The following DBN1 variants were observed in gnomAD, a reference collection of about 807,000 sequenced individuals.
The protein encoded by DBN1 is drebrin.
Under a neutral mutation model 83.5 loss-of-function variants are expected in DBN1, and 21 were observed. The observed-to-expected ratio is 0.25, with a 90% CI of 0.18 to 0.36. DBN1 has a LOEUF of 0.36. Ranked by LOEUF, DBN1 falls within the 10% of genes least tolerant of loss-of-function variation. DBN1 has a pLI of 1.00. For missense variants in DBN1, 874 were observed against 935.7 expected, an observed-to-expected ratio of 0.93 and a Z score of 0.86; for synonymous variants, 381 against 384.9, an observed-to-expected ratio of 0.99 and a Z score of 0.12.
chr5:177,462,456 C>G (rs897891724), intron 8 of DBN1: 8 of 954,340 alleles, frequency 8.4e-6, no homozygotes, highest in Non-Finnish European at 1.0e-5. Flanking sequence ...TCCTCTGGGT[C>G]CCCACAGGGT....
chr5:177,459,581 G>A lies in DBN1; in HGVS notation c.1093+22C>T, dbSNP rs925623564. On this transcript the variant is annotated intron_variant, in intron 11 of 14. Transcript: ENST00000393565. ...CGGGGCCCTCCTTACCACCCCCGCC[G>A]AGGCCTGGGGCTGCTACCTACATGG... The A allele has an allele frequency of 8.1e-6, 12 of 1,485,320 alleles. No homozygotes were observed. In the Middle Eastern group the frequency reaches 5.7e-4, roughly 71 times the overall value. 92.0% of individuals were successfully genotyped at this position (1,485,320 alleles called of 1,614,324 possible).
intron 13 of DBN1, 92 bp from the exon 14 acceptor site, chr5:177,457,849 T>C: frequency 2.7e-6 from 3 of 1,102,918 alleles, no homozygotes; most frequent in Non-Finnish European, 4.1e-6. Context: ...CAACCAATGA[T>C]TCCATCAGTG....
intron 8 of DBN1, among the ~76,000 whole-genome samples, chr5:177,461,968 T>C (rs1757074346): frequency 1.3e-5 from 2 of 152,200 alleles, no homozygotes; most frequent in Admixed American, 6.5e-5. Flanking sequence ...CCAGTTTCTC[T>C]TGAGGTGACA....
chr5:177,466,204 G>C lies in DBN1; in HGVS notation c.771+568C>G, dbSNP rs1219200299. On this transcript the variant is annotated intron_variant, in intron 8 of 14. Coordinates refer to ENST00000393565, the MANE Select transcript of DBN1 (RefSeq NM_001363541.2). The surrounding 1 kb of genome is among the most constrained non-coding windows in gnomAD (Gnocchi z 4.8). ...AACTGAGCCATGCTCAGTCCTGAAT[G>C]ACATTAGCTATTTCCAAAATACTAA... Among the ~76,000 whole-genome samples, 1 of 152,180 alleles carries C rather than the reference G, an allele frequency of 6.6e-6. No individual in the cohort carries two copies. Among genetic ancestry groups the C allele is most frequent in the Non-Finnish European group, 1.5e-5 (1 of 68,038 alleles).
At position 177,467,566 on chromosome 5, in the gene DBN1, T is replaced by G; in HGVS notation, c.392A>C (p.Gln131Pro). ...TCGCGCCAGCCCGTTAGAGAGCCGC[T>G]GCCCGATGGCACCCGCGTCTATGTC... Reference protein sequence around the residue: ...VEDIDAGAIGQRLSNGLARLS... With the variant: ...VEDIDAGAIGPRLSNGLARLS... The change falls in exon 5 of 15, where the codon CAG (glutamine) becomes CCG (proline). Residue 131 changes from glutamine (Q) to proline (P), a missense_variant. Transcript: ENST00000393565. The surrounding 1 kb of genome is among the most constrained non-coding windows in gnomAD (Gnocchi z 9.1). 1 of 1,565,840 alleles carries G rather than the reference T, an allele frequency of 6.4e-7. No homozygotes were observed. Among genetic ancestry groups the G allele is most frequent in the Non-Finnish European group, 8.7e-7 (1 of 1,155,284 alleles).
At chr5:177,472,534 G>T in intron 1 of DBN1, 1 of 702,616 alleles carries the variant, frequency 1.4e-6, no homozygotes, top group Non-Finnish European at 1.9e-6. Flanking sequence ...CTCAGCGGGA[G>T]ACAACAGCTG....
rs1756978255 is a variant in DBN1, at chr5:177,460,830, G to A, written c.772-127C>T. ...GTTCTCGCCCTACCACCCAGGCTGG[G>A]GAGCAGTGGTACAATCACGGCTCAC... On this transcript the variant is annotated intron_variant, in intron 8 of 14. Coordinates refer to ENST00000393565, the MANE Select transcript of DBN1 (RefSeq NM_001363541.2). The A allele has an allele frequency of 3.2e-6, 3 of 927,118 alleles. No individual in the cohort carries two copies. The East Asian group carries it at 7.9e-5, about 24-fold the overall frequency. The allele number at this position is 927,118 out of a possible 1,614,324, so 57.4% of individuals were successfully genotyped here.
intron 1 of DBN1, 117 bp downstream of exon 1, chr5:177,473,319 T>C: frequency 1.8e-6 from 1 of 543,048 alleles, no homozygotes; most frequent in Non-Finnish European, 2.9e-6. Flanking sequence ...CCCGGCCCGC[T>C]GCACCATTTC....
At chr5:177,469,728 G>C (rs1027821845) in intron 1 of DBN1, among the ~76,000 whole-genome samples, 1 of 152,206 alleles carries the variant, frequency 6.6e-6, no homozygotes, top group Non-Finnish European at 1.5e-5. Flanking sequence ...TGCGGTGACA[G>C]AGCAACCATT....
chr5:177,465,134 C>CAG (rs1757355961), intron 8 of DBN1, among the ~76,000 whole-genome samples: 1 of 152,080 alleles, frequency 6.6e-6, no homozygotes, highest in Admixed American at 6.5e-5. Context: ...GCCTGGGCGA[C>CAG]AGAGCGAGAT....
chr5:177,472,391 A>C, intron 1 of DBN1: 4 of 1,455,332 alleles, frequency 2.7e-6, no homozygotes, highest in Non-Finnish European at 3.6e-6. Flanking sequence ...CCAGATGGGC[A>C]CCTTCCCTAG....
At chr5:177,468,535 A>G in intron 2 of DBN1, 1 of 467,312 alleles carries the variant, frequency 2.1e-6, no homozygotes, top group South Asian at 5.1e-5. Context: ...GGCACAATCA[A>G]GCCTTCTGGC....
rs771924349 is a variant in DBN1, at chr5:177,458,041, G to A, written c.1914+17C>T. On this transcript the variant is annotated intron_variant, in intron 13 of 14. Transcript: ENST00000393565. ...CCACTCCCTCCCATCCCTCCCACCA[G>A]GCAGTCCCTGCCGCACCTGGGTCCC... 1 of 1,613,572 alleles carries A rather than the reference G, an allele frequency of 6.2e-7. No individual in the cohort carries two copies. Among genetic ancestry groups the A allele is most frequent in the East Asian group, 2.2e-5 (1 of 44,864 alleles).
At chr5:177,460,105 A>C (rs2545795) in intron 10 of DBN1, among the ~76,000 whole-genome samples, 77,723 of 152,156 alleles carry the variant, frequency 0.51, 20,305 homozygotes, top group Non-Finnish European at 0.56. Flanking sequence ...AGAGCCCAGC[A>C]CGCATGCATT....
At chr5:177,469,539 C>T (rs554588808) in intron 1 of DBN1, among the ~76,000 whole-genome samples, 3 of 152,228 alleles carry the variant, frequency 2.0e-5, no homozygotes, top group East Asian at 1.9e-4. Flanking sequence ...ACTCTGGCCC[C>T]GGGGTGGCCA....
intron 1 of DBN1, 46 bp downstream of exon 1, chr5:177,473,390 G>A: frequency 2.6e-6 from 3 of 1,146,458 alleles, no homozygotes; most frequent in Non-Finnish European, 1.2e-6. Flanking sequence ...AAGGCGCGGC[G>A]GCGGCGCGGG....
chr5:177,470,837 T>G (rs1485930781), intron 1 of DBN1, among the ~76,000 whole-genome samples: 1 of 152,048 alleles, frequency 6.6e-6, no homozygotes, highest in Non-Finnish European at 1.5e-5. Flanking sequence ...CCGAGCCTGG[T>G]GGTGCACCAG....
At chr5:177,468,963 C>A in intron 1 of DBN1, 64 bp from the exon 2 acceptor site, 2 of 1,092,662 alleles carry the variant, frequency 1.8e-6, no homozygotes, top group Non-Finnish European at 2.4e-6. Context: ...TGGGTGGGGA[C>A]GGCTCTGGGG....
intron 8 of DBN1, among the ~76,000 whole-genome samples, chr5:177,464,675 C>T (rs1757297012): frequency 6.6e-6 from 1 of 151,836 alleles, no homozygotes; most frequent in Non-Finnish European, 1.5e-5. Context: ...GGTGCGGTGG[C>T]TCATGCCTGT....
Sources: gnomAD v4.1 joint callset for allele counts (sites outside exome capture counted in the v4.1 genomes callset) on GRCh38, gnomAD v4.1.1 for gene constraint, Gnocchi (gnomAD v3.1) non-coding constraint, MANE v1.5 for transcripts, NCBI Gene and HGNC (gene_info 2026-07-23, HGNC 2026-07-21) for gene names.